Variants in LMO7 observed in about 807,000 individuals in gnomAD.
LMO7 encodes LIM domain 7, also known as LIM domain only protein 7.
Under a neutral mutation model 206.5 loss-of-function variants are expected in LMO7, and 120 were observed. The ratio of observed to expected loss-of-function variants is 0.58; its 90% confidence interval spans 0.50 to 0.68. LMO7 has a LOEUF of 0.68. Among genes scored for constraint, LMO7 ranks in the 30% least tolerant of loss-of-function variants. The pLI is 0.00. For missense variants in LMO7, 1,959 were observed against 1,957.9 expected (o/e 1.00, Z -0.01); for synonymous variants, 706 against 681.5 (o/e 1.04, Z -0.56).
chr13:75,821,600 A>G lies in LMO7; in HGVS notation c.2631A>G (p.Arg877=). Residue 877 remains arginine (R), a synonymous_variant, in exon 14 of 31, where the codon AGA becomes AGG. Transcript: ENST00000377534. The stretch of plus-strand genomic sequence containing the variant: ...CAAGGGGAATCTCATCACTCCCCAG[A>G]TCTTACACGGTAAAAAATGTTCTCG... ...SQTRGISSLP[R]SYTMDDAWKY... is the part of the protein sequence containing the mutation. 6.2e-7 allele frequency: 1 copy of G among 1,608,928 alleles called. No individual in the cohort carries two copies. Among genetic ancestry groups the G allele is most frequent in the Non-Finnish European group, 8.5e-7 (1 of 1,176,970 alleles).
chr13:75,718,439 C>T (rs2043739478), intron 2 of LMO7, among the ~76,000 whole-genome samples: 1 of 152,176 alleles, frequency 6.6e-6, no homozygotes, highest in African/African-American at 2.4e-5. Flanking sequence ...CCAGGTCCCT[C>T]CGTTAGATTC....
chr13:75,828,207 A>T (rs2058314169), intron 15 of LMO7, among the ~76,000 whole-genome samples: 1 of 152,230 alleles, frequency 6.6e-6, no homozygotes, highest in Non-Finnish European at 1.5e-5. Context: ...GGCATCAGTC[A>T]TGTGTGCCTT....
intron 3 of LMO7, 138 bp from the exon 4 acceptor site, chr13:75,760,794 C>T: frequency 6.5e-7 from 1 of 1,543,602 alleles, no homozygotes; most frequent in Non-Finnish European, 8.7e-7. Flanking sequence ...TTCAAATATA[C>T]ATATGCATGG....
At chr13:75,693,659 A>C (rs1001127475) in intron 1 of LMO7, among the ~76,000 whole-genome samples, 6 of 152,194 alleles carry the variant, frequency 3.9e-5, no homozygotes, top group African/African-American at 1.4e-4. Context: ...TCTCCTGTCA[A>C]GGCATTTGTT....
intron 29 of LMO7, among the ~76,000 whole-genome samples, 186 bp downstream of exon 29, chr13:75,855,554 A>AG (rs1185621272): frequency 2.0e-5 from 3 of 152,174 alleles, no homozygotes; most frequent in African/African-American, 7.2e-5. Context: ...TTGTTTTAAA[A>AG]CTTAAATCTG....
intron 1 of LMO7, among the ~76,000 whole-genome samples, chr13:75,669,593 G>A (rs1210237369): frequency 3.3e-5 from 5 of 152,286 alleles, no homozygotes; most frequent in Admixed American, 6.5e-5. Context: ...GAATAGCATA[G>A]CAATGCCCGC....
intron 2 of LMO7, among the ~76,000 whole-genome samples, chr13:75,720,132 T>G (rs1294485148): frequency 2.0e-5 from 3 of 152,230 alleles, no homozygotes. Flanking sequence ...CATCTGTGTG[T>G]CTTCCTTAGT....
chr13:75,677,363 T>C (rs2040098110), intron 1 of LMO7, among the ~76,000 whole-genome samples: 1 of 152,254 alleles, frequency 6.6e-6, no homozygotes, highest in Admixed American at 6.5e-5. Flanking sequence ...AGATCTGTCA[T>C]ATATTGCTGT....
intron 11 of LMO7, among the ~76,000 whole-genome samples, chr13:75,810,605 T>C (rs1289459377): frequency 6.6e-6 from 1 of 152,264 alleles, no homozygotes; most frequent in African/African-American, 2.4e-5. Flanking sequence ...TTTAACTTGA[T>C]TAAAAATCTC....
At chr13:75,685,937 C>A (rs1435654571) in intron 1 of LMO7, among the ~76,000 whole-genome samples, 1 of 145,118 alleles carries the variant, frequency 6.9e-6, no homozygotes, top group Middle Eastern at 3.8e-3. Flanking sequence ...ACTCTGTCAC[C>A]CAGGCAGTGG....
At chr13:75,777,586 A>G (rs2050680683) in intron 4 of LMO7, among the ~76,000 whole-genome samples, 1 of 151,956 alleles carries the variant, frequency 6.6e-6, no homozygotes, top group Non-Finnish European at 1.5e-5. Flanking sequence ...ATGTTCATTT[A>G]ATGTTTCATC....
intron 1 of LMO7, among the ~76,000 whole-genome samples, chr13:75,685,328 A>G (rs2040880576): frequency 6.6e-6 from 1 of 152,180 alleles, no homozygotes; most frequent in Non-Finnish European, 1.5e-5. Context: ...GCTATGCCAC[A>G]TATTTGAGTG....
At chr13:75,650,585 C>A (rs1320774166) in intron 1 of LMO7, among the ~76,000 whole-genome samples, 1 of 152,170 alleles carries the variant, frequency 6.6e-6, no homozygotes, top group African/African-American at 2.4e-5. Context: ...AAAAAAATTT[C>A]CTGTGTATTG....
intron 1 of LMO7, among the ~76,000 whole-genome samples, chr13:75,653,245 T>C (rs1445956483): frequency 6.6e-6 from 1 of 152,220 alleles, no homozygotes; most frequent in Non-Finnish European, 1.5e-5. Flanking sequence ...AGCAACTGTG[T>C]CCTGCAAATA....
chr13:75,769,125 A>G (rs1566418502), intron 4 of LMO7, among the ~76,000 whole-genome samples: 1 of 152,152 alleles, frequency 6.6e-6, no homozygotes, highest in Non-Finnish European at 1.5e-5. Context: ...TCTTTAAAAA[A>G]GTAGAACCTG....
At chr13:75,713,355 A>G (rs2043273578) in intron 2 of LMO7, 103 bp downstream of exon 2, 1 of 703,828 alleles carries the variant, frequency 1.4e-6, no homozygotes, top group East Asian at 2.8e-5. Flanking sequence ...AGTCACAGAT[A>G]TGTGTTCTTG....
At chr13:75,671,761 T>C (rs1017959988) in intron 1 of LMO7, among the ~76,000 whole-genome samples, 1 of 152,184 alleles carries the variant, frequency 6.6e-6, no homozygotes, top group African/African-American at 2.4e-5. Context: ...TTTTGGATCC[T>C]GCCCTTCTCA....
rs1438706661 is a variant in LMO7, at chr13:75,840,957, T to A, written c.3583-152T>A. The A allele has an allele frequency of 1.2e-5, 7 of 602,330 alleles. No individual in the cohort carries two copies. In the Admixed American group the frequency reaches 1.6e-4, roughly 14 times the overall value. The allele number at this position is 602,330 out of a possible 1,614,324, so 37.3% of individuals were successfully genotyped here. A position where few individuals can be genotyped will look rare whatever the true frequency, so the allele number is the denominator to read the frequency against. ...ATTCAATATATGCTCTTTTCTACTA[T>A]AGGGACTAAAATCTGATTGGCTTAT... On this transcript the variant is annotated intron_variant, in intron 22 of 30. Transcript: ENST00000377534.
chr13:75,670,153 A>G (rs1479659156), intron 1 of LMO7, among the ~76,000 whole-genome samples: 1 of 152,234 alleles, frequency 6.6e-6, no homozygotes, highest in Non-Finnish European at 1.5e-5. Context: ...TTAATAGGAG[A>G]GAACTTCGAT....
Sources: gnomAD v4.1 joint callset for allele counts (sites outside exome capture counted in the v4.1 genomes callset) on GRCh38, gnomAD v4.1.1 for gene constraint, MANE v1.5 for transcripts, NCBI Gene and HGNC (gene_info 2026-07-23, HGNC 2026-07-21) for gene names.